TRPV3: variants seen among roughly 807,000 people sequenced by gnomAD.
TRPV3 encodes transient receptor potential cation channel subfamily V member 3, also known as VRL-3.
A neutral mutation model predicts 87.1 loss-of-function variants in TRPV3; 88 were observed. The ratio of observed to expected loss-of-function variants is 1.01; its 90% CI spans 0.85 to 1.21. TRPV3 has a LOEUF of 1.21. TRPV3 is among the 50% of genes most tolerant of loss of function. TRPV3 has a pLI of 0.00. For missense variants in TRPV3, 1,054 were observed against 1,030.1 expected, an observed-to-expected ratio of 1.02 and a Z score of -0.32; for synonymous variants, 438 against 423.3, an observed-to-expected ratio of 1.03 and a Z score of -0.43.
intron 3 of TRPV3, 74 bp downstream of exon 3, chr17:3,545,093 G>T: frequency 1.9e-6 from 2 of 1,042,152 alleles, no homozygotes; most frequent in Non-Finnish European, 2.9e-6. Flanking sequence ...CGTGACCCAG[G>T]GCAAGTCACT....
intron 6 of TRPV3, among the ~76,000 whole-genome samples, chr17:3,540,806 C>T (rs2074452009): frequency 6.6e-6 from 1 of 152,224 alleles, no homozygotes; most frequent in African/African-American, 2.4e-5. Flanking sequence ...TCCTTAGAGA[C>T]AGGCTGAGAA....
chr17:3,526,981 G>C (rs2074306051), intron 11 of TRPV3, 54 bp from the exon 12 acceptor site: 4 of 1,403,040 alleles, frequency 2.9e-6, no homozygotes, highest in Non-Finnish European at 3.0e-6. Context: ...CTCAGCAGGG[G>C]AGCTGAGCAG....
intron 11 of TRPV3, among the ~76,000 whole-genome samples, chr17:3,527,368 T>C (rs2150787567): frequency 6.6e-6 from 1 of 152,298 alleles, no homozygotes; most frequent in African/African-American, 2.4e-5. Flanking sequence ...CCATTCCCTG[T>C]CCCCAGATAA....
chr17:3,522,636 A>G (rs1243818414), intron 13 of TRPV3, among the ~76,000 whole-genome samples: 2 of 150,264 alleles, frequency 1.3e-5, no homozygotes, highest in East Asian at 2.0e-4. Flanking sequence ...CCTGGCCAAC[A>G]TGGCGAAACC....
At chr17:3,538,607 T>C (rs147069580) in intron 6 of TRPV3, among the ~76,000 whole-genome samples, 15 of 151,840 alleles carry the variant, frequency 9.9e-5, no homozygotes, top group African/African-American at 2.4e-4. Context: ...TTTTTTGAGA[T>C]GGAGTCTCCC....
intron 6 of TRPV3, 113 bp from the exon 7 acceptor site, chr17:3,535,826 G>C: frequency 2.5e-6 from 3 of 1,219,136 alleles, no homozygotes; most frequent in South Asian, 4.1e-5. Flanking sequence ...CAGAACCCTG[G>C]TCTGTGTCGC....
chr17:3,519,441 G>GATGGATGGATGGATGA, intron 14 of TRPV3, among the ~76,000 whole-genome samples: 1 of 149,008 alleles, frequency 6.7e-6, no homozygotes, highest in Non-Finnish European at 1.5e-5. Flanking sequence ...TGGATGGATG[G>GATGGATGGATGGATGA]ATGGATGGAT....
chr17:3,535,684 G>T lies in TRPV3; in HGVS notation c.673C>A (p.Arg225=), dbSNP rs1432235495. 6.3e-7 allele frequency: 1 copy of T among 1,583,228 alleles called. No individual in the cohort carries two copies. Among genetic ancestry groups the T allele is most frequent in the South Asian group, 1.1e-5 (1 of 87,364 alleles). ...AGGGCTGCGATGTCCCCCTGCCGCCGCTCGATGGCGATGTTCAGCGCCGTC... is the reference window on the plus strand; with the variant it reads ...AGGGCTGCGATGTCCCCCTGCCGCCTCTCGATGGCGATGTTCAGCGCCGTC... The part of the protein sequence containing the change: ...GQTALNIAIE[R]RQGDIAALLI... The change falls in exon 7 of 18, where the codon CGG becomes AGG. Residue 225 remains arginine, a synonymous_variant. Coordinates refer to ENST00000576742, the MANE Select transcript of TRPV3 (RefSeq NM_145068.4).
rs769726466 is a variant in TRPV3, at chr17:3,535,584, C to A, written c.773G>T (p.Gly258Val). The A allele has an allele frequency of 6.2e-6, 10 of 1,604,226 alleles. No individual in the cohort carries two copies. ...GGGGCGGCACCCACCGAAGTAGAAG[C>A]CTTCGTGTTGGTACTTGGGGTTGAA... Reference protein sequence around the residue: ...AFFNPKYQHEGFYFGETPLAL... With the variant: ...AFFNPKYQHEVFYFGETPLAL... The change falls in exon 7 of 18, where the codon GGC becomes GTC. Residue 258 changes from glycine (G) to valine (V), a missense_variant. Coordinates refer to ENST00000576742, the MANE Select transcript of TRPV3 (RefSeq NM_145068.4).
chr17:3,517,805 C>G (rs2074197397), intron 15 of TRPV3, among the ~76,000 whole-genome samples: 1 of 94,280 alleles, frequency 1.1e-5, no homozygotes, highest in Non-Finnish European at 2.1e-5. Flanking sequence ...TTCCAATGAG[C>G]ATTTCTTTTT....
chr17:3,525,142 C>T (rs1425973983), intron 12 of TRPV3, among the ~76,000 whole-genome samples: 3 of 151,972 alleles, frequency 2.0e-5, no homozygotes, highest in South Asian at 2.1e-4. Flanking sequence ...GCCTCAGCCT[C>T]CCTAGTAGCT....
rs2074639689 is a variant in TRPV3, at chr17:3,557,084, C to T, written c.-3+592G>A. Among the ~76,000 whole-genome samples, 1 of 152,104 alleles carries T rather than the reference C, an allele frequency of 6.6e-6. No homozygotes were observed. The highest frequency in any genetic ancestry group is 2.4e-5 in the African/African-American group (1 of 41,414). ...AGGGAACTCTGGACTAGGGCCGCAG[C>T]AGCTATCATTAGCTCCCTGAGTCAC... On this transcript the variant is annotated intron_variant, in intron 1 of 17. Transcript: ENST00000576742. This position sits in a 1 kb window ranked among gnomAD's most constrained non-coding sequence, Gnocchi z 4.5.
At chr17:3,520,843 G>A in intron 14 of TRPV3, 130 bp downstream of exon 14, 1 of 491,314 alleles carries the variant, frequency 2.0e-6, no homozygotes, top group East Asian at 3.5e-5. Context: ...CTTGGAAAAT[G>A]CCAAGCATGG....
At position 3,513,967 on chromosome 17, in the gene TRPV3, T is replaced by A. The variant is rs1255046507; in HGVS notation, c.2323A>T (p.Thr775Ser). 6.2e-7 allele frequency: 1 copy of A among 1,614,090 alleles called. No individual in the cohort carries two copies. Among genetic ancestry groups the A allele is most frequent in the South Asian group, 1.1e-5 (1 of 91,052 alleles). ...TCGACTTCTTCAAATGCATTGAGAG[T>A]GGTTTTGCTGTTGTTCCTGGAAGAA... ...QDSSRNNSKT[T>S]LNAFEEVEEF... The change falls in exon 18 of 18, where the codon ACT becomes TCT. Residue 775 changes from threonine (T) to serine (S), a missense_variant. Coordinates refer to ENST00000576742, the MANE Select transcript of TRPV3 (RefSeq NM_145068.4).
rs11078458 is a variant in TRPV3, at chr17:3,542,607, T to G, written c.558A>C (p.Ile186=). ...CAGCAAAGGCAAGCAGGATCCGCACTATCTCCTTGGTGTTGGGGTTGATGT... is the reference window on the plus strand; with the variant it reads ...CAGCAAAGGCAAGCAGGATCCGCACGATCTCCTTGGTGTTGGGGTTGATGT... ...LLNINPNTKE[I]VRILLAFAEE... Residue 186 remains isoleucine, a synonymous_variant, in exon 6 of 18, where the codon ATA becomes ATC. Transcript: ENST00000576742. 0.6 allele frequency: 967,555 copies of G among 1,613,640 alleles called. 295,847 individuals carry two copies. The highest frequency in any genetic ancestry group is 0.75 in the Admixed American group (45,050 of 59,962).
chr17:3,520,619 T>G (rs2074237178), intron 14 of TRPV3, among the ~76,000 whole-genome samples: 1 of 152,220 alleles, frequency 6.6e-6, no homozygotes, highest in African/African-American at 2.4e-5. Context: ...AGTTACCTTA[T>G]GATCGGGGTG....
chr17:3,519,444 GGATGGATAGATGATTA>G (rs1411069764), intron 14 of TRPV3, among the ~76,000 whole-genome samples: 41 of 147,934 alleles, frequency 2.8e-4, no homozygotes, highest in South Asian at 8.7e-4. Context: ...ATGGATGGAT[GGATGGATAGATGATTA>G]GATGGATGGA....
rs116647451 is a variant in TRPV3, at chr17:3,517,132, G to A, written c.2086-563C>T. 8.8e-4 allele frequency among the ~76,000 whole-genome samples: 133 copies of A among 151,518 alleles called. 1 individual carries two copies. Among genetic ancestry groups the A allele is most frequent in the South Asian group, 1.3e-3 (6 of 4,778 alleles). On this transcript the variant is annotated intron_variant, in intron 15 of 17. Transcript: ENST00000576742. The stretch of plus-strand genomic sequence containing the variant: ...TGCACTCCAGCCTGGGTGACAGAGC[G>A]AAACTCCATGATATAAATAATATTT...
At chr17:3,527,324 G>A (rs1373626759) in intron 11 of TRPV3, among the ~76,000 whole-genome samples, 1 of 152,134 alleles carries the variant, frequency 6.6e-6, no homozygotes, top group Non-Finnish European at 1.5e-5. Flanking sequence ...TACCCCACCA[G>A]AGTAAGTGCC....
Sources: allele counts gnomAD v4.1 joint callset (sites outside exome capture counted in the v4.1 genomes callset), GRCh38; gene constraint gnomAD v4.1.1; non-coding constraint Gnocchi (gnomAD v3.1); transcripts MANE v1.5; gene names NCBI Gene and HGNC (gene_info 2026-07-23, HGNC 2026-07-21).